The following RIMS2 variants were observed in gnomAD, a reference collection of about 807,000 sequenced individuals.
RIMS2 encodes the protein regulating synaptic membrane exocytosis 2.
RIMS2 carries 59 observed loss-of-function variants against 174.4 expected under a neutral mutation model. The ratio of observed to expected loss-of-function variants is 0.34; its 90% CI spans 0.27 to 0.42. RIMS2 has a LOEUF of 0.42. RIMS2 is among the 10% of genes least tolerant of loss of function. The pLI, the probability that RIMS2 is intolerant of heterozygous loss-of-function variation, is 1.00. For synonymous variants in RIMS2, 606 were observed against 572.5 expected (o/e 1.06, Z -0.84); for missense variants, 1,620 against 1,666.3 (o/e 0.97, Z 0.48).
chr8:103,987,693 T>G (rs1381605316), intron 16 of RIMS2, among the ~76,000 whole-genome samples: 3 of 152,190 alleles, frequency 2.0e-5, no homozygotes, highest in Non-Finnish European at 4.4e-5. Flanking sequence ...AAACCATCAT[T>G]ATTTGTTAAT....
chr8:103,674,658 C>T (rs1211227400), intron 1 of RIMS2, among the ~76,000 whole-genome samples: 1 of 151,638 alleles, frequency 6.6e-6, no homozygotes, highest in African/African-American at 2.4e-5. Flanking sequence ...ATTGTTTTTC[C>T]TATATCTAGT....
At chr8:104,152,745 CAA>C (rs2098697452) in intron 19 of RIMS2, among the ~76,000 whole-genome samples, 1 of 151,972 alleles carries the variant, frequency 6.6e-6, no homozygotes. Flanking sequence ...TTGCCTGAAA[CAA>C]AGAAATTCTT....
At chr8:103,862,484 AT>A (rs568908992) in intron 3 of RIMS2, among the ~76,000 whole-genome samples, 227 of 148,634 alleles carry the variant, frequency 1.5e-3, no homozygotes, top group Middle Eastern at 3.4e-3. Flanking sequence ...CGGCCTTTAG[AT>A]TTTTTTTTTA....
At chr8:103,569,709 T>G (rs1192952518) in intron 1 of RIMS2, among the ~76,000 whole-genome samples, 5 of 152,088 alleles carry the variant, frequency 3.3e-5, no homozygotes, top group African/African-American at 1.2e-4. Context: ...CTTGAAATCC[T>G]GGGCTCAAAC....
At chr8:103,673,876 T>C (rs1053910255) in intron 1 of RIMS2, among the ~76,000 whole-genome samples, 1 of 152,236 alleles carries the variant, frequency 6.6e-6, no homozygotes, top group Admixed American at 6.5e-5. Flanking sequence ...TTTTAGGCTC[T>C]ATTTCCTTTG....
intron 3 of RIMS2, among the ~76,000 whole-genome samples, chr8:103,814,589 G>A (rs1424336082): frequency 6.6e-6 from 1 of 152,032 alleles, no homozygotes; most frequent in African/African-American, 2.4e-5. Context: ...GTTTAAGAAG[G>A]AGAAGTCAGG....
intron 1 of RIMS2, among the ~76,000 whole-genome samples, chr8:103,660,935 G>A (rs4734079): frequency 0.99 from 151,335 of 152,336 alleles, 75,169 homozygotes; most frequent in East Asian, 1. Flanking sequence ...ACAGATTGAA[G>A]GTATAGAAAG....
intron 17 of RIMS2, among the ~76,000 whole-genome samples, chr8:103,991,983 C>T (rs550095045): frequency 1.8e-4 from 27 of 152,208 alleles, no homozygotes; most frequent in South Asian, 1.2e-3. Context: ...ATTGAAAATA[C>T]GTGCTTTAAC....
At chr8:103,677,787 C>T (rs895371392) in intron 1 of RIMS2, among the ~76,000 whole-genome samples, 1 of 152,012 alleles carries the variant, frequency 6.6e-6, no homozygotes, top group African/African-American at 2.4e-5. Flanking sequence ...TCCAGTGCTT[C>T]TGTGTGGTTG....
At chr8:103,811,654 C>G (rs1385617942) in intron 3 of RIMS2, among the ~76,000 whole-genome samples, 1 of 152,142 alleles carries the variant, frequency 6.6e-6, no homozygotes, top group Non-Finnish European at 1.5e-5. Flanking sequence ...CCATGTTGGC[C>G]AGGCTGGTCT....
chr8:103,538,145 C>A (rs1840709044), intron 1 of RIMS2, among the ~76,000 whole-genome samples: 1 of 151,992 alleles, frequency 6.6e-6, no homozygotes, highest in Non-Finnish European at 1.5e-5. Flanking sequence ...CATAGTTAGG[C>A]TTTGACCTAT....
intron 20 of RIMS2, among the ~76,000 whole-genome samples, chr8:104,247,460 G>T (rs185209392): frequency 3.3e-4 from 50 of 152,220 alleles, no homozygotes; most frequent in African/African-American, 1.0e-3. Context: ...AGGGCACCAC[G>T]CAAATGGCCT....
At chr8:104,190,817 A>G (rs767495338) in intron 19 of RIMS2, among the ~76,000 whole-genome samples, 3 of 152,158 alleles carry the variant, frequency 2.0e-5, no homozygotes, top group Non-Finnish European at 4.4e-5. Flanking sequence ...TAAGAAAGAT[A>G]TAATTGCTAC....
intron 19 of RIMS2, among the ~76,000 whole-genome samples, chr8:104,057,932 T>C (rs1327957427): frequency 6.6e-6 from 1 of 152,090 alleles, no homozygotes; most frequent in South Asian, 2.1e-4. Context: ...TATTCCATGG[T>C]GTATATGTGC....
In RIMS2 at chr8:103,652,190, A is replaced by C. The variant is rs766805228; in HGVS notation, c.177-44896A>C. ...ATAGTACAGTGCACTCAGTTGTGCA[A>C]ACTTATCTTTTTAGGGTCAAAGAAG... On this transcript the variant is annotated intron_variant, in intron 1 of 23. Transcript: ENST00000504942. The C allele has an allele frequency of 8.2e-6, 11 of 1,341,338 alleles. No homozygotes were observed. Among genetic ancestry groups the C allele is most frequent in the Admixed American group, 3.8e-5 (2 of 52,464 alleles). The allele number at this position is 1,341,338 out of a possible 1,614,324, so 83.1% of individuals were successfully genotyped here. A position where few individuals can be genotyped will look rare whatever the true frequency, so the allele number is the denominator to read the frequency against.
chr8:103,882,424 G>A (rs2099171728), intron 3 of RIMS2, among the ~76,000 whole-genome samples: 1 of 151,516 alleles, frequency 6.6e-6, no homozygotes, highest in Non-Finnish European at 1.5e-5. Flanking sequence ...GTTCTTCATT[G>A]TTTGATACAT....
At chr8:103,665,917 T>C (rs2136219925) in intron 1 of RIMS2, among the ~76,000 whole-genome samples, 1 of 152,348 alleles carries the variant, frequency 6.6e-6, no homozygotes, top group Middle Eastern at 3.4e-3. Context: ...CATTCACAAC[T>C]AATGCCTCTT....
chr8:103,759,489 T>C (rs1014489068), intron 2 of RIMS2, among the ~76,000 whole-genome samples: 2 of 133,318 alleles, frequency 1.5e-5, no homozygotes, highest in Middle Eastern at 4.9e-3. Flanking sequence ...GGCGTGAACC[T>C]GGGAGGCGGA....
At chr8:103,623,121 A>T (rs752260426) in intron 1 of RIMS2, among the ~76,000 whole-genome samples, 1 of 152,200 alleles carries the variant, frequency 6.6e-6, no homozygotes, top group Non-Finnish European at 1.5e-5. Context: ...AAAAAGCAAC[A>T]TGATCTCCCA....
Sources: allele counts gnomAD v4.1 joint callset (sites outside exome capture counted in the v4.1 genomes callset), GRCh38; gene constraint gnomAD v4.1.1; transcripts MANE v1.5; gene names NCBI Gene and HGNC (gene_info 2026-07-23, HGNC 2026-07-21).